IRF2: variants seen among roughly 807,000 people sequenced by gnomAD.
The protein encoded by IRF2 is interferon regulatory factor 2.
Under a neutral mutation model 40.6 loss-of-function variants are expected in IRF2, and 15 were observed. The observed-to-expected ratio is 0.37, with a 90% CI of 0.25 to 0.57. IRF2 has a LOEUF of 0.57. IRF2 is among the 20% of genes least tolerant of loss of function. The pLI is 0.77. For synonymous variants in IRF2, 151 were observed against 165.5 expected, an observed-to-expected ratio of 0.91 and a Z score of 0.67; for missense variants, 317 against 455.7, an observed-to-expected ratio of 0.70 and a Z score of 2.77.
intron 2 of IRF2, among the ~76,000 whole-genome samples, chr4:184,428,357 A>G (rs1408834388): frequency 6.6e-6 from 1 of 152,252 alleles, no homozygotes; most frequent in African/African-American, 2.4e-5. Flanking sequence ...AAAAAAAGGA[A>G]TTTGGAGAAG....
In IRF2 at chr4:184,408,119, G is replaced by T. The variant is rs1276441031; in HGVS notation, c.529+39C>A. ...TACAAATTTTAGGCCCCAGGGGGCT[G>T]CTGGTATGTATAAAAAATGAGACGT... On this transcript the variant is annotated intron_variant, in intron 6 of 8. Coordinates refer to ENST00000393593, the MANE Select transcript of IRF2 (RefSeq NM_002199.4). The surrounding 1 kb of genome is among the most constrained non-coding windows in gnomAD (Gnocchi z 4.9). The T allele has an allele frequency of 8.1e-6, 10 of 1,238,376 alleles. No homozygotes were observed. The Admixed American group carries it at 1.4e-4, about 17-fold the overall frequency. 76.7% of individuals were successfully genotyped at this position (1,238,376 alleles called of 1,614,324 possible).
At position 184,391,191 on chromosome 4, in the gene IRF2, G is replaced by A. The variant is rs949758243; in HGVS notation, c.695-442C>T. 2.0e-5 allele frequency among the ~76,000 whole-genome samples: 3 copies of A among 152,242 alleles called. 1 individual carries two copies. The Middle Eastern group carries it at 0.01, about 518-fold the overall frequency. The stretch of plus-strand genomic sequence containing the variant: ...CTTCCTTTACCTCTCACCCCTTTAG[G>A]ACTTAGATCCTGGATTTCTAGAGTT... On this transcript the variant is annotated intron_variant, in intron 7 of 8. Transcript: ENST00000393593.
chr4:184,431,108 G>A (rs1737860919), intron 1 of IRF2, among the ~76,000 whole-genome samples: 1 of 152,192 alleles, frequency 6.6e-6, no homozygotes, highest in African/African-American at 2.4e-5. Context: ...GCCTAGGTGG[G>A]GTGCCGTCAG....
At chr4:184,426,672 C>T (rs35813560) in intron 2 of IRF2, among the ~76,000 whole-genome samples, 27,815 of 152,118 alleles carry the variant, frequency 0.18, 2,758 homozygotes, top group Admixed American at 0.29. Context: ...TCTAAACCAA[C>T]CACAGCGGTC....
chr4:184,416,472 A>C (rs1424074863), intron 5 of IRF2, among the ~76,000 whole-genome samples: 1 of 152,186 alleles, frequency 6.6e-6, no homozygotes, highest in Non-Finnish European at 1.5e-5. Context: ...AAGACATTCA[A>C]AAATCACATG....
At chr4:184,433,364 C>T (rs1315256006) in intron 1 of IRF2, among the ~76,000 whole-genome samples, 1 of 152,182 alleles carries the variant, frequency 6.6e-6, no homozygotes, top group Non-Finnish European at 1.5e-5. Context: ...CTGGCTCTCC[C>T]ATGCTCCTGC....
intron 1 of IRF2, among the ~76,000 whole-genome samples, chr4:184,452,213 AG>A (rs746338731): frequency 2.0e-5 from 3 of 152,212 alleles, no homozygotes; most frequent in African/African-American, 7.2e-5. Context: ...ACAGCAGCAC[AG>A]GGGCACAGGA....
intron 1 of IRF2, among the ~76,000 whole-genome samples, chr4:184,467,423 C>A (rs1225884096): frequency 1.3e-5 from 2 of 152,248 alleles, no homozygotes; most frequent in Non-Finnish European, 2.9e-5. Context: ...TCACCCGACA[C>A]ACCCATCATA....
chr4:184,424,048 CCAGATACACA>C (rs1357702300), intron 2 of IRF2, among the ~76,000 whole-genome samples: 1 of 128,334 alleles, frequency 7.8e-6, no homozygotes, highest in African/African-American at 2.9e-5. Context: ...CTTTAATATA[CCAGATACACA>C]CAGATACACA....
At chr4:184,466,381 A>T (rs1739322693) in intron 1 of IRF2, among the ~76,000 whole-genome samples, 1 of 152,142 alleles carries the variant, frequency 6.6e-6, no homozygotes, top group African/African-American at 2.4e-5. Flanking sequence ...AAAACACATT[A>T]TCAGCCCATT....
rs1738120117 is a variant in IRF2 at position 184,437,363 on chromosome 4, T to TA, written c.-6-8294_-6-8293insT. ...GAGCCACCGCGCCTGGCCTAATTTT[T>TA]TAAAATATTTTTGTAGAAACAGGGG... On this transcript the variant is annotated intron_variant, in intron 1 of 8. Transcript: ENST00000393593. 1.5e-5 allele frequency among the ~76,000 whole-genome samples: 2 copies of TA among 131,526 alleles called. 1 individual carries two copies. Among genetic ancestry groups the TA allele is most frequent in the Non-Finnish European group, 3.5e-5 (2 of 56,458 alleles). 86.3% of individuals were successfully genotyped at this position (131,526 alleles called of 152,430 possible).
chr4:184,451,407 G>A (rs145805318), intron 1 of IRF2, among the ~76,000 whole-genome samples: 3 of 152,250 alleles, frequency 2.0e-5, no homozygotes, highest in African/African-American at 7.2e-5. Flanking sequence ...TATTCACTGG[G>A]CACCCATGAT....
intron 1 of IRF2, among the ~76,000 whole-genome samples, chr4:184,473,627 G>GCCCGGCC (rs1278376310): frequency 6.8e-6 from 1 of 147,824 alleles, no homozygotes; most frequent in Non-Finnish European, 1.5e-5. Context: ...CAGGCCCGGC[G>GCCCGGCC]CCCGGCCCGG....
intron 1 of IRF2, among the ~76,000 whole-genome samples, chr4:184,455,155 C>G (rs1579107538): frequency 6.6e-6 from 1 of 152,022 alleles, no homozygotes; most frequent in South Asian, 2.1e-4. Flanking sequence ...TAATTCATCC[C>G]CATCCCACCT....
intron 1 of IRF2, among the ~76,000 whole-genome samples, chr4:184,465,572 A>G (rs1299326711): frequency 6.6e-6 from 1 of 152,206 alleles, no homozygotes; most frequent in Non-Finnish European, 1.5e-5. Flanking sequence ...CAATATACAC[A>G]TATGTTTTAA....
At chr4:184,434,064 A>C (rs925199418) in intron 1 of IRF2, among the ~76,000 whole-genome samples, 1 of 152,240 alleles carries the variant, frequency 6.6e-6, no homozygotes, top group Non-Finnish European at 1.5e-5. Context: ...CTTACTCGGT[A>C]TGTATCGTCT....
rs1414083386 is a variant in IRF2 at position 184,408,795 on chromosome 4, T to C, written c.412-520A>G. On this transcript the variant is annotated intron_variant, in intron 5 of 8. Coordinates refer to ENST00000393593, the MANE Select transcript of IRF2 (RefSeq NM_002199.4). This position sits in a 1 kb window ranked among gnomAD's most constrained non-coding sequence, Gnocchi z 4.9. ...TCTGCAGATAAGTTTTGCCATGGCCTCTGGCCACCTGAGGCCCTGCATTGG... is the reference window on the plus strand; with the variant it reads ...TCTGCAGATAAGTTTTGCCATGGCCCCTGGCCACCTGAGGCCCTGCATTGG... 6.6e-6 allele frequency among the ~76,000 whole-genome samples: 1 copy of C among 152,228 alleles called. No homozygotes were observed. Among genetic ancestry groups the C allele is most frequent in the Admixed American group, 6.5e-5 (1 of 15,290 alleles).
intron 6 of IRF2, among the ~76,000 whole-genome samples, chr4:184,403,432 C>G (rs1393226037): frequency 5.9e-5 from 9 of 152,122 alleles, no homozygotes; most frequent in Non-Finnish European, 4.4e-5. Context: ...AAAGAGTGTC[C>G]TGACTGAATA....
rs117403388 is a variant in IRF2 at position 184,431,150 on chromosome 4, C to T, written c.-6-2080G>A. 2.4e-3 allele frequency among the ~76,000 whole-genome samples: 373 copies of T among 152,338 alleles called. 10 individuals are homozygous for T. Among genetic ancestry groups the T allele is most frequent in the East Asian group, 0.019 (97 of 5,182 alleles). ...GCCTCCTCCACTCATATGGAGGCTC[C>T]AGCCACCATTCTTTGAGACACAAAC... On this transcript the variant is annotated intron_variant, in intron 1 of 8. Transcript: ENST00000393593.
Sources: gnomAD v4.1 joint callset for allele counts (sites outside exome capture counted in the v4.1 genomes callset) on GRCh38, gnomAD v4.1.1 for gene constraint, Gnocchi (gnomAD v3.1) non-coding constraint, MANE v1.5 for transcripts, NCBI Gene and HGNC (gene_info 2026-07-23, HGNC 2026-07-21) for gene names.